The following EMSY variants were observed in gnomAD, a reference collection of about 807,000 sequenced individuals.
EMSY encodes the protein EMSY transcriptional repressor, BRCA2 interacting, also known as BRCA2-interacting transcriptional repressor EMSY.
A neutral mutation model predicts 134.6 loss-of-function variants in EMSY; 26 were observed. The observed-to-expected ratio is 0.19, with a 90% CI of 0.14 to 0.27. The LOEUF is 0.27. Among genes scored for constraint, EMSY ranks in the 10% least tolerant of loss-of-function variants. EMSY has a pLI of 1.00. For missense variants in EMSY, 1,305 were observed against 1,611.4 expected, an observed-to-expected ratio of 0.81 and a Z score of 3.26; for synonymous variants, 579 against 577.8, an observed-to-expected ratio of 1.00 and a Z score of -0.03.
intron 7 of EMSY, among the ~76,000 whole-genome samples, chr11:76,469,416 C>A (rs192732642): frequency 6.6e-6 from 1 of 152,280 alleles, no homozygotes; most frequent in East Asian, 1.9e-4. Flanking sequence ...GCTGTGGCAG[C>A]AGCTGTGAAT....
At chr11:76,512,672 G>A (rs752953947) in intron 9 of EMSY, among the ~76,000 whole-genome samples, 1 of 147,082 alleles carries the variant, frequency 6.8e-6, no homozygotes, top group Non-Finnish European at 1.5e-5. Context: ...GTTTACATTT[G>A]GAAAGTCAAT....
At chr11:76,487,154 C>T (rs923591557) in intron 8 of EMSY, among the ~76,000 whole-genome samples, 6 of 152,120 alleles carry the variant, frequency 3.9e-5, no homozygotes, top group Non-Finnish European at 7.3e-5. Context: ...GTGGTGGGCG[C>T]CTGTAGTCCC....
At chr11:76,470,055 A>G (rs1198624054) in intron 7 of EMSY, among the ~76,000 whole-genome samples, 4 of 152,180 alleles carry the variant, frequency 2.6e-5, no homozygotes, top group Non-Finnish European at 4.4e-5. Flanking sequence ...ATAAGAACTC[A>G]TATCTGGTAA....
intron 8 of EMSY, among the ~76,000 whole-genome samples, chr11:76,495,165 GT>G (rs1234870222): frequency 2.6e-5 from 4 of 152,180 alleles, no homozygotes; most frequent in Non-Finnish European, 4.4e-5. Flanking sequence ...GACTTCTCAA[GT>G]TTTATCCTCC....
chr11:76,509,173 C>T (rs1000653069), intron 9 of EMSY, among the ~76,000 whole-genome samples: 2 of 151,988 alleles, frequency 1.3e-5, no homozygotes, highest in African/African-American at 2.4e-5. Context: ...AATGTGAGCG[C>T]ACACTGTTGG....
At chr11:76,478,736 A>G (rs1045144226) in intron 8 of EMSY, among the ~76,000 whole-genome samples, 4 of 151,580 alleles carry the variant, frequency 2.6e-5, no homozygotes, top group Admixed American at 6.6e-5. Flanking sequence ...ACATTTTTCT[A>G]TAAATATCCT....
intron 14 of EMSY, among the ~76,000 whole-genome samples, chr11:76,534,613 T>A (rs772235184): frequency 6.6e-6 from 1 of 152,150 alleles, no homozygotes; most frequent in Non-Finnish European, 1.5e-5. Flanking sequence ...TTAAAAAATA[T>A]AAGGTTCATA....
chr11:76,508,972 C>T (rs182389604), intron 9 of EMSY, among the ~76,000 whole-genome samples: 31 of 152,088 alleles, frequency 2.0e-4, no homozygotes, highest in Admixed American at 6.5e-4. Flanking sequence ...ATGTCCAGTT[C>T]GTGAAGCAGT....
At chr11:76,469,955 G>A (rs961480956) in intron 7 of EMSY, among the ~76,000 whole-genome samples, 8 of 152,262 alleles carry the variant, frequency 5.3e-5, no homozygotes, top group Admixed American at 4.6e-4. Flanking sequence ...CTGATCTTAT[G>A]TATCTTTCTT....
intron 9 of EMSY, among the ~76,000 whole-genome samples, chr11:76,508,076 G>A (rs1016838365): frequency 3.3e-5 from 5 of 151,700 alleles, no homozygotes; most frequent in Non-Finnish European, 7.4e-5. Context: ...TCACCATGTT[G>A]CCCAGACTGG....
At chr11:76,505,773 C>T (rs535645057) in intron 9 of EMSY, among the ~76,000 whole-genome samples, 3 of 151,836 alleles carry the variant, frequency 2.0e-5, no homozygotes, top group Admixed American at 6.6e-5. Flanking sequence ...AGGAGAATCG[C>T]GTGAACCCGG....
exon 19 of EMSY, chr11:76,544,748 A>G: frequency 6.2e-7 from 1 of 1,614,102 alleles, no homozygotes; most frequent in South Asian, 1.1e-5. Context: ...CCAACCAAAA[A>G]TCTACGTGCA....
At chr11:76,472,587 A>G in exon 8 of EMSY, 4 of 1,614,082 alleles carry the variant, frequency 2.5e-6, no homozygotes, top group Non-Finnish European at 3.4e-6. Context: ...CCACATCACC[A>G]AGCTCAACCT....
At chr11:76,447,103 G>A (rs1355401787) in intron 2 of EMSY, 95 bp downstream of exon 2, 13 of 1,158,376 alleles carry the variant, frequency 1.1e-5, no homozygotes, top group Non-Finnish European at 1.4e-5. Context: ...CATATCTCAC[G>A]CTACATCAGA....
intron 15 of EMSY, 113 bp from the exon 17 acceptor site, chr11:76,537,673 TGTCTACTTA>T (rs1045466944): frequency 3.7e-6 from 3 of 804,868 alleles, no homozygotes; most frequent in Non-Finnish European, 5.8e-6. Flanking sequence ...TTCAATTCAC[TGTCTACTTA>T]GTCACTGCCA....
intron 13 of EMSY, among the ~76,000 whole-genome samples, chr11:76,526,888 A>G (rs971914480): frequency 4.6e-5 from 7 of 152,124 alleles, no homozygotes; most frequent in Admixed American, 2.6e-4. Context: ...TAGGAATACA[A>G]TTTGCTGAAG....
At chr11:76,541,630 C>T (rs1951444310) in intron 17 of EMSY, among the ~76,000 whole-genome samples, 1 of 152,166 alleles carries the variant, frequency 6.6e-6, no homozygotes, top group Non-Finnish European at 1.5e-5. Flanking sequence ...AGGATCCAAG[C>T]GTGATTCTTG....
chr11:76,489,831 C>A (rs1448802706), intron 8 of EMSY, among the ~76,000 whole-genome samples: 2 of 152,188 alleles, frequency 1.3e-5, no homozygotes, highest in African/African-American at 4.8e-5. Flanking sequence ...TCTCAAACTT[C>A]TGACCTCTGG....
chr11:76,486,041 C>G lies in EMSY; in HGVS notation c.1109-10174C>G, dbSNP rs564415637. ...GGTAGACTGGGTAAAGAAAGTGTGG[C>G]ACGTATACACCATGGAATACTACGC... is the stretch of plus-strand genomic sequence containing the variant. On this transcript the variant is annotated intron_variant, in intron 8 of 20. Transcript: ENST00000334736. 2.6e-3 allele frequency among the ~76,000 whole-genome samples: 391 copies of G among 152,260 alleles called. 1 individual carries two copies. The highest frequency in any genetic ancestry group is 8.9e-3 in the African/African-American group (370 of 41,558).
Sources: allele counts gnomAD v4.1 joint callset (sites outside exome capture counted in the v4.1 genomes callset), GRCh38; gene constraint gnomAD v4.1.1; transcripts MANE v1.5; gene names NCBI Gene and HGNC (gene_info 2026-07-23, HGNC 2026-07-21).